Variants in GSE1 observed in about 807,000 individuals in gnomAD.
GSE1 encodes Gse1 coiled-coil protein, also known as genetic suppressor element 1.
Under a neutral mutation model 112.6 loss-of-function variants are expected in GSE1, and 32 were observed. That is an observed-to-expected ratio of 0.28 (90% CI 0.21 to 0.38). The LOEUF (loss-of-function observed/expected upper bound fraction) is 0.38, where lower values mean the gene tolerates loss of function less well. Among genes scored for constraint, GSE1 ranks in the 10% least tolerant of loss-of-function variants. GSE1 has a pLI of 1.00. For synonymous variants in GSE1, 1,115 were observed against 735.6 expected, an observed-to-expected ratio of 1.52 and a Z score of -8.35; for missense variants, 2,348 against 1,699.2, an observed-to-expected ratio of 1.38 and a Z score of -6.71.
chr16:85,241,692 G>A (rs1288513299), intron 1 of GSE1, among the ~76,000 whole-genome samples: 5 of 152,164 alleles, frequency 3.3e-5, no homozygotes, highest in Non-Finnish European at 7.4e-5. Flanking sequence ...CTGAAACCCT[G>A]CGCTTTATGT....
At chr16:85,463,191 C>A (rs1194055780) in intron 2 of GSE1, 4 of 827,924 alleles carry the variant, frequency 4.8e-6, no homozygotes, top group South Asian at 5.5e-5. Flanking sequence ...CTTTCTGGGG[C>A]GCGCCACCCA....
chr16:85,626,729 C>A (rs1015584929), intron 1 of GSE1, among the ~76,000 whole-genome samples: 6 of 152,086 alleles, frequency 3.9e-5, no homozygotes, highest in South Asian at 2.1e-4. Context: ...GGTCTGGTGC[C>A]GGGGAAGAGC....
intron 2 of GSE1, among the ~76,000 whole-genome samples, chr16:85,486,524 G>C (rs1466470786): frequency 2.0e-5 from 3 of 152,242 alleles, no homozygotes; most frequent in Non-Finnish European, 4.4e-5. Context: ...CATGTCTCCT[G>C]TCTTAGAATT....
At chr16:85,569,004 A>G (rs2045871997) in intron 1 of GSE1, among the ~76,000 whole-genome samples, 1 of 152,142 alleles carries the variant, frequency 6.6e-6, no homozygotes, top group Admixed American at 6.5e-5. Flanking sequence ...GTTCTGGAGT[A>G]TGATCATGGT....
chr16:85,449,884 GAAAGT>G (rs2049626112), intron 2 of GSE1, among the ~76,000 whole-genome samples: 1 of 152,194 alleles, frequency 6.6e-6, no homozygotes, highest in South Asian at 2.1e-4. Flanking sequence ...ATAAAACACA[GAAAGT>G]TGTGCTGTGC....
chr16:85,459,885 G>A (rs1057462581), intron 2 of GSE1, among the ~76,000 whole-genome samples: 1 of 152,216 alleles, frequency 6.6e-6, no homozygotes, highest in Non-Finnish European at 1.5e-5. Flanking sequence ...GAAGCTGAGC[G>A]ATTCCCCCAG....
chr16:85,414,097 G>T (rs1275720668), intron 2 of GSE1, among the ~76,000 whole-genome samples: 3 of 148,042 alleles, frequency 2.0e-5, no homozygotes, highest in Non-Finnish European at 4.4e-5. Flanking sequence ...CTTTATAGCA[G>T]TGTGAGAACG....
chr16:85,393,663 G>A (rs2151650769), intron 2 of GSE1, among the ~76,000 whole-genome samples: 2 of 152,350 alleles, frequency 1.3e-5, no homozygotes, highest in South Asian at 4.1e-4. Flanking sequence ...TCAGGCTCCT[G>A]TGTGATTTAC....
chr16:85,509,858 C>A (rs904077487), intron 2 of GSE1, among the ~76,000 whole-genome samples: 1 of 146,922 alleles, frequency 6.8e-6, no homozygotes, highest in Non-Finnish European at 1.5e-5. Context: ...GGATAGGAGA[C>A]CCCCCCAGCC....
chr16:85,634,318 G>A (rs368222890), intron 2 of GSE1, among the ~76,000 whole-genome samples, 186 bp downstream of exon 2: 297 of 152,342 alleles, frequency 1.9e-3, no homozygotes, highest in African/African-American at 7.0e-3. Context: ...CAGCACCTCC[G>A]CTTTGCCTCT....
chr16:85,554,462 C>T (rs541969456), upstream of GSE1, among the ~76,000 whole-genome samples: 4 of 152,124 alleles, frequency 2.6e-5, no homozygotes, highest in Admixed American at 2.0e-4. Flanking sequence ...GGTCTATTTG[C>T]CTGGAAGCAT....
intron 2 of GSE1, among the ~76,000 whole-genome samples, chr16:85,546,733 C>T (rs1189405196): frequency 6.6e-6 from 1 of 152,250 alleles, no homozygotes; most frequent in East Asian, 1.9e-4. Context: ...AGAACTTGGT[C>T]ACCTGGCCCC....
rs545431401 is a variant in GSE1, at chr16:85,331,927, G to A, written c.2284-25536G>A. On this transcript the variant is annotated intron_variant, in intron 1 of 2. Coordinates refer to the GSE1 transcript ENST00000637419. ...AGGCGCAGGGCCTAAGACCTTTAAT[G>A]AGCGCATGCAGCCTTGGGGCCTCTG... 2.2e-3 allele frequency among the ~76,000 whole-genome samples: 334 copies of A among 151,990 alleles called. 2 individuals are homozygous for A. The highest frequency in any genetic ancestry group is 7.5e-3 in the African/African-American group (311 of 41,454).
At chr16:85,341,562 G>A (rs1055224096) in intron 1 of GSE1, among the ~76,000 whole-genome samples, 7 of 152,092 alleles carry the variant, frequency 4.6e-5, no homozygotes, top group African/African-American at 1.7e-4. Flanking sequence ...GGAGGCTGAG[G>A]CAGGAGAATC....
At position 85,237,183 on chromosome 16, in the gene GSE1, C is replaced by T. The variant is rs183693418; in HGVS notation, c.2283+65376C>T. Among the ~76,000 whole-genome samples, 5 of 152,162 alleles carry T rather than the reference C, an allele frequency of 3.3e-5. 1 individual carries two copies. The highest frequency in any genetic ancestry group is 2.6e-4 in the Admixed American group (4 of 15,290). The stretch of plus-strand genomic sequence containing the variant: ...TACTAAAAATAGAAAAATTAGCAGG[C>T]GTGGTGGCGGTCGCCTGTAATCCCA... On this transcript the variant is annotated intron_variant, in intron 1 of 2. Transcript: ENST00000637419.
intron 2 of GSE1, chr16:85,489,842 T>G (rs983580458): frequency 1.3e-5 from 2 of 152,010 alleles, no homozygotes; most frequent in African/African-American, 4.8e-5. Flanking sequence ...CCAATCTGAT[T>G]GGTAGTTTTT....
chr16:85,561,917 G>A (rs1049156601), intron 1 of GSE1, among the ~76,000 whole-genome samples: 12 of 152,200 alleles, frequency 7.9e-5, no homozygotes, highest in Non-Finnish European at 1.5e-4. Context: ...GGTTGGGGGT[G>A]GTGTCTGGAG....
chr16:85,203,817 A>G (rs1247397320), intron 1 of GSE1, among the ~76,000 whole-genome samples: 2 of 152,200 alleles, frequency 1.3e-5, no homozygotes, highest in Non-Finnish European at 2.9e-5. Flanking sequence ...AGCTCACTGT[A>G]GCCTCAGCCT....
chr16:85,607,225 G>T (rs979360448), upstream of GSE1, among the ~76,000 whole-genome samples: 3 of 152,142 alleles, frequency 2.0e-5, no homozygotes, highest in African/African-American at 4.8e-5. Flanking sequence ...AGAGGTGGGG[G>T]TCACCCGTTT....
Sources: allele counts gnomAD v4.1 joint callset (sites outside exome capture counted in the v4.1 genomes callset), GRCh38; gene constraint gnomAD v4.1.1; transcripts MANE v1.5; gene names NCBI Gene and HGNC (gene_info 2026-07-23, HGNC 2026-07-21).